The following BIRC6 variants were observed in gnomAD, a reference collection of about 807,000 sequenced individuals.
The protein encoded by BIRC6 is baculoviral IAP repeat containing 6.
A neutral mutation model predicts 503.3 loss-of-function variants in BIRC6; 98 were observed. That is an observed-to-expected ratio of 0.19 (90% CI 0.17 to 0.23). The LOEUF (loss-of-function observed/expected upper bound fraction) is 0.23, where lower values mean the gene tolerates loss of function less well. Among genes scored for constraint, BIRC6 ranks in the 10% least tolerant of loss-of-function variants. The pLI, the probability that BIRC6 is intolerant of heterozygous loss-of-function variation, is 1.00. For synonymous variants in BIRC6, 2,240 were observed against 2,078.7 expected (o/e 1.08, Z -2.11); for missense variants, 5,360 against 5,806.0 (o/e 0.92, Z 2.50).
chr2:32,533,929 A>T (rs190097190), intron 61 of BIRC6, among the ~76,000 whole-genome samples: 23 of 152,296 alleles, frequency 1.5e-4, no homozygotes, highest in African/African-American at 5.3e-4. Flanking sequence ...AGCAGTAGAA[A>T]ACTAATACAG....
chr2:32,577,085 G>A (rs1208754580), intron 66 of BIRC6, among the ~76,000 whole-genome samples: 2 of 152,034 alleles, frequency 1.3e-5, no homozygotes, highest in Non-Finnish European at 2.9e-5. Context: ...TAACAATAGT[G>A]TGGTATCATA....
chr2:32,465,015 CT>C (rs1413146133), intron 25 of BIRC6, 49 bp from the exon 26 acceptor site: 3 of 1,339,842 alleles, frequency 2.2e-6, no homozygotes, highest in Non-Finnish European at 3.1e-6. Flanking sequence ...TTTTATAGAA[CT>C]ATAGTAATAT....
rs1383136109 is a variant in BIRC6 at position 32,395,454 on chromosome 2, T to A, written c.952-57T>A. 5 of 1,291,166 alleles carry A rather than the reference T, an allele frequency of 3.9e-6. No homozygotes were observed. The African/African-American group carries it at 4.5e-5, about 12-fold the overall frequency. The allele number at this position is 1,291,166 out of a possible 1,614,324, so 80.0% of individuals were successfully genotyped here. A position where few individuals can be genotyped will look rare whatever the true frequency, so the allele number is the denominator to read the frequency against. On this transcript the variant is annotated intron_variant, in intron 5 of 73. Transcript: ENST00000421745. ...GAACTTTTAAAAATAACTTTTATTA[T>A]AAAGCTATTTTAATAATGATTTACC...
intron 65 of BIRC6, chr2:32,565,314 T>C (rs1386778076): frequency 6.6e-6 from 1 of 152,228 alleles, no homozygotes; most frequent in East Asian, 1.9e-4. Flanking sequence ...ATCTAGTTTT[T>C]ATAAAATTCA....
At chr2:32,495,577 T>C (rs2052339559) in intron 45 of BIRC6, among the ~76,000 whole-genome samples, 1 of 152,196 alleles carries the variant, frequency 6.6e-6, no homozygotes, top group African/African-American at 2.4e-5. Context: ...GTTTTCACTT[T>C]ATTAAGTAGC....
At chr2:32,510,429 C>T in intron 52 of BIRC6, 97 bp from the exon 53 acceptor site, 1 of 747,054 alleles carries the variant, frequency 1.3e-6, no homozygotes. Flanking sequence ...TTTATGGAAG[C>T]CTCATTTTTA....
chr2:32,444,130 G>A (rs2045718185), intron 20 of BIRC6, among the ~76,000 whole-genome samples: 1 of 151,810 alleles, frequency 6.6e-6, no homozygotes, highest in Non-Finnish European at 1.5e-5. Flanking sequence ...GGATACCAGA[G>A]TCTGGGAGGG....
rs375232997 is a variant in BIRC6, at chr2:32,416,208, A to T, written c.2872+45A>T. ...TATAAATCTTATAAAATCCATGTAT[A>T]TATGGCATTTGTTTATGTGCAAACC... On this transcript the variant is annotated intron_variant, in intron 10 of 73. Transcript: ENST00000421745. The T allele has an allele frequency of 1.2e-4, 182 of 1,503,056 alleles. No homozygotes were observed. The African/African-American group carries it at 2.3e-3, about 19-fold the overall frequency. The allele number at this position is 1,503,056 out of a possible 1,614,324, so 93.1% of individuals were successfully genotyped here.
intron 13 of BIRC6, 63 bp from the exon 14 acceptor site, chr2:32,435,433 A>G (rs1290711254): frequency 7.0e-7 from 1 of 1,437,414 alleles, no homozygotes; most frequent in East Asian, 2.6e-5. Context: ...AATTAAGTTT[A>G]CTAATATTTT....
At chr2:32,399,344 C>T (rs973160439) in intron 6 of BIRC6, among the ~76,000 whole-genome samples, 1 of 152,196 alleles carries the variant, frequency 6.6e-6, no homozygotes, top group African/African-American at 2.4e-5. Context: ...TCTCAGCCTC[C>T]CAAAGTGGTG....
chr2:32,565,978 T>A (rs2059507992), intron 65 of BIRC6: 1 of 152,190 alleles, frequency 6.6e-6, no homozygotes, highest in South Asian at 2.1e-4. Context: ...CATGATGAGT[T>A]TTGGGTGGAG....
chr2:32,467,440 AAG>A, intron 26 of BIRC6, 83 bp from the exon 27 acceptor site: 1 of 1,067,312 alleles, frequency 9.4e-7, no homozygotes, highest in Non-Finnish European at 1.4e-6. Flanking sequence ...TTCATATTTT[AAG>A]ATGAGTGCTC....
chr2:32,521,512 C>A (rs537928525), intron 57 of BIRC6, among the ~76,000 whole-genome samples: 1 of 151,766 alleles, frequency 6.6e-6, no homozygotes, highest in East Asian at 1.9e-4. Flanking sequence ...CACTCTGTCC[C>A]CCAGGCTGTG....
At chr2:32,465,427 A>C (rs1418337328) in intron 26 of BIRC6, among the ~76,000 whole-genome samples, 1 of 152,012 alleles carries the variant, frequency 6.6e-6, no homozygotes, top group Admixed American at 6.6e-5. Context: ...GACATAAATA[A>C]TTTATTGTAG....
At chr2:32,615,244 G>T (rs143913884) in intron 73 of BIRC6, among the ~76,000 whole-genome samples, 4 of 152,250 alleles carry the variant, frequency 2.6e-5, no homozygotes, top group Non-Finnish European at 4.4e-5. Context: ...TTTGGGCAGG[G>T]ACAAATATCC....
At chr2:32,440,753 T>A (rs762196267) in intron 16 of BIRC6, among the ~76,000 whole-genome samples, 79 of 146,338 alleles carry the variant, frequency 5.4e-4, no homozygotes, top group Non-Finnish European at 1.1e-3. Context: ...TTTATTTATT[T>A]ATTATTATTA....
At chr2:32,458,651 A>G (rs898324890) in intron 23 of BIRC6, among the ~76,000 whole-genome samples, 3 of 73,778 alleles carry the variant, frequency 4.1e-5, no homozygotes, top group African/African-American at 1.1e-4. Flanking sequence ...TTCATTGGTC[A>G]TTTATTTGGC....
Position 32,375,492 on chromosome 2 carries a change from C to CA in BIRC6, c.326-2088dup, listed in dbSNP as rs562302801. ...CCCTGTCTCTAAAAAAACAAACAAA[C>CA]AAAAAAAACCCCCAAAAAACTCCAG... On this transcript the variant is annotated intron_variant, in intron 1 of 73. Transcript: ENST00000421745. 3.3e-5 allele frequency among the ~76,000 whole-genome samples: 5 copies of CA among 151,478 alleles called. No individual in the cohort carries two copies. In the East Asian group the frequency reaches 5.8e-4, roughly 18 times the overall value.
intron 10 of BIRC6, among the ~76,000 whole-genome samples, chr2:32,418,945 CT>C: frequency 6.6e-6 from 1 of 152,260 alleles, no homozygotes; most frequent in East Asian, 1.9e-4. Flanking sequence ...AAGATTCCAT[CT>C]CAAACAAAAC....
Sources: allele counts gnomAD v4.1 joint callset (sites outside exome capture counted in the v4.1 genomes callset), GRCh38; gene constraint gnomAD v4.1.1; transcripts MANE v1.5; gene names NCBI Gene and HGNC (gene_info 2026-07-23, HGNC 2026-07-21).